The following ITIH5 variants were observed in gnomAD, a reference collection of about 807,000 sequenced individuals.
ITIH5 encodes inter-alpha-trypsin inhibitor heavy chain H5.
ITIH5 carries 65 observed loss-of-function variants against 77.5 expected under a neutral mutation model. The ratio of observed to expected loss-of-function variants is 0.84; its 90% CI spans 0.69 to 1.03. The LOEUF (loss-of-function observed/expected upper bound fraction) is 1.03, where lower values mean the gene tolerates loss of function less well. Ranked by LOEUF, ITIH5 falls within the 50% of genes least tolerant of loss-of-function variation. The pLI, the probability that ITIH5 is intolerant of heterozygous loss-of-function variation, is 0.00. For missense variants in ITIH5, 1,208 were observed against 1,213.1 expected, an observed-to-expected ratio of 1.00 and a Z score of 0.06; for synonymous variants, 525 against 494.3, an observed-to-expected ratio of 1.06 and a Z score of -0.82.
At chr10:7,617,442 T>A (rs1273722350) in intron 5 of ITIH5, 160 bp from the exon 6 acceptor site, 7 of 471,940 alleles carry the variant, frequency 1.5e-5, no homozygotes, top group Non-Finnish European at 1.1e-5. Context: ...AATGCGAGAG[T>A]TATGTCATCA....
chr10:7,566,680 C>T (rs996164505), intron 12 of ITIH5, among the ~76,000 whole-genome samples: 4 of 143,384 alleles, frequency 2.8e-5, no homozygotes, highest in African/African-American at 1.1e-4. Context: ...TGTGATTGCA[C>T]CACTGCAGTC....
At chr10:7,643,481 G>T (rs1833920927) in intron 2 of ITIH5, among the ~76,000 whole-genome samples, 1 of 152,188 alleles carries the variant, frequency 6.6e-6, no homozygotes, top group African/African-American at 2.4e-5. Flanking sequence ...TTACTTCAAA[G>T]TCTGAACTGG....
intron 4 of ITIH5, 136 bp downstream of exon 4, chr10:7,640,618 G>A: frequency 1.6e-6 from 1 of 618,562 alleles, no homozygotes. Flanking sequence ...TTCACTAGAT[G>A]TATTTATATT....
At chr10:7,573,503 CA>C (rs57321816) in intron 10 of ITIH5, among the ~76,000 whole-genome samples, 15 of 143,294 alleles carry the variant, frequency 1.0e-4, no homozygotes, top group South Asian at 2.2e-4. Flanking sequence ...CCTGTCTCTA[CA>C]AAAAAAAAAT....
intron 5 of ITIH5, among the ~76,000 whole-genome samples, chr10:7,635,727 C>T (rs115317311): frequency 0.011 from 1,748 of 152,256 alleles, 34 homozygotes; most frequent in African/African-American, 0.041. Context: ...ATTTTCCGCA[C>T]TGTTTGCCCC....
intron 1 of ITIH5, among the ~76,000 whole-genome samples, chr10:7,665,559 G>A (rs1051064720): frequency 3.3e-5 from 5 of 152,208 alleles, no homozygotes; most frequent in Admixed American, 6.5e-5. Flanking sequence ...AGTGGTCCCA[G>A]ACATCCTGGT....
At chr10:7,593,859 A>C (rs1394375649) in intron 7 of ITIH5, among the ~76,000 whole-genome samples, 4 of 151,980 alleles carry the variant, frequency 2.6e-5, no homozygotes, top group Non-Finnish European at 4.4e-5. Context: ...TGGCCCCACC[A>C]ATCCTTGCAG....
intron 5 of ITIH5, among the ~76,000 whole-genome samples, chr10:7,629,319 GCCCA>G (rs1833667468): frequency 3.9e-5 from 3 of 76,626 alleles, no homozygotes; most frequent in Admixed American, 1.2e-4. Context: ...TGTAGCGTGT[GCCCA>G]TGTTGTAGCG....
At chr10:7,651,368 G>A (rs1396328011) in intron 2 of ITIH5, among the ~76,000 whole-genome samples, 1 of 152,194 alleles carries the variant, frequency 6.6e-6, no homozygotes, top group Non-Finnish European at 1.5e-5. Flanking sequence ...CGGATCACCT[G>A]AGGTCAGGAG....
At chr10:7,574,794 G>GAAAAAA (rs59563530) in intron 10 of ITIH5, among the ~76,000 whole-genome samples, 1 of 85,654 alleles carries the variant, frequency 1.2e-5, no homozygotes. Context: ...CTCCATCTCG[G>GAAAAAA]AAAAAAAAAA....
intron 7 of ITIH5, among the ~76,000 whole-genome samples, chr10:7,612,654 CTG>C (rs1043444863): frequency 7.0e-6 from 1 of 143,106 alleles, no homozygotes; most frequent in Admixed American, 7.0e-5. Flanking sequence ...CACAAAAAAG[CTG>C]TGTTTTTTTT....
rs571353166 is a variant in ITIH5 at position 7,566,417 on chromosome 10, C to T, written c.2150-10G>A. 3.2e-6 allele frequency: 5 copies of T among 1,582,738 alleles called. No homozygotes were observed. Among genetic ancestry groups the T allele is most frequent in the East Asian group, 2.3e-5 (1 of 44,278 alleles). ...CCGTTCACTGTGACACCTCAAAGGC[C>T]AAGGGGAAAAGAAGAAGGTTAGAAA... On this transcript the variant is annotated splice_polypyrimidine_tract_variant and intron_variant, in intron 12 of 13. Transcript: ENST00000397146.
chr10:7,655,795 C>T, intron 1 of ITIH5, 120 bp from the exon 2 acceptor site: 1 of 772,694 alleles, frequency 1.3e-6, no homozygotes, highest in Non-Finnish European at 2.2e-6. Context: ...TCAGATTCAC[C>T]AAAAGCTGTA....
rs1227467730 is a variant in ITIH5, at chr10:7,560,689, A to G, written c.*2394T>C. On this transcript the variant is annotated 3_prime_UTR_variant, in exon 14 of 14. Coordinates refer to ENST00000397146, the MANE Select transcript of ITIH5 (RefSeq NM_030569.7). ...TGATCATGACACATTAACTATTGTG[A>G]TAACAAGGAGATTTATCTCCTCTAA... 6.6e-6 allele frequency: 1 copy of G among 152,244 alleles called. No homozygotes were observed. Among genetic ancestry groups the G allele is most frequent in the African/African-American group, 2.4e-5 (1 of 41,454 alleles). 9.4% of individuals were successfully genotyped at this position (152,244 alleles called of 1,614,324 possible).
intron 1 of ITIH5, among the ~76,000 whole-genome samples, chr10:7,662,752 A>C (rs1270857496): frequency 6.6e-6 from 1 of 152,204 alleles, no homozygotes; most frequent in Admixed American, 6.5e-5. Flanking sequence ...TTTCTCCCAC[A>C]GCATACTCCT....
Position 7,637,239 on chromosome 10 carries a change from C to G in ITIH5, c.641G>C (p.Gly214Ala), listed in dbSNP as rs374950629. Residue 214 changes from glycine (G) to alanine (A), a missense_variant, in exon 5 of 14, where the codon GGG (glycine) becomes GCG (alanine). Physicochemically the swap from Gly to Ala is moderately conservative, Grantham distance 60 (BLOSUM62 0). Coordinates refer to ENST00000397146, the MANE Select transcript of ITIH5 (RefSeq NM_030569.7). ...CACGCAGGACTCACCTTCCCCGCGC[C>G]CACTGCCCCTCTGCCTGCTGTTGTG... The part of the protein sequence containing the change: ...PLHNSRQRGS[G>A]RGEDDSGPPP... The G allele has an allele frequency of 6.2e-7, 1 of 1,608,350 alleles. No homozygotes were observed. The highest frequency in any genetic ancestry group is 1.3e-5 in the African/African-American group (1 of 74,900).
At chr10:7,582,032 T>A (rs112671920) in intron 8 of ITIH5, among the ~76,000 whole-genome samples, 43 of 151,804 alleles carry the variant, frequency 2.8e-4, no homozygotes, top group South Asian at 2.7e-3. Context: ...CACGCCACCA[T>A]GCCTGGCTAA....
In ITIH5 at chr10:7,559,714, C is replaced by G; in HGVS notation, c.*3369G>C. On this transcript the variant is annotated 3_prime_UTR_variant, in exon 14 of 14. Transcript: ENST00000397146. The stretch of plus-strand genomic sequence containing the variant: ...CATTTATTTCTCACAGTTCTGGAGG[C>G]TGGGAGGTCCAAGATCAAGGTGCCA... 1 of 427,420 alleles carries G rather than the reference C, an allele frequency of 2.3e-6. No individual in the cohort carries two copies. The allele number at this position is 427,420 out of a possible 1,614,324, so 26.5% of individuals were successfully genotyped here.
At chr10:7,662,754 C>T (rs1588435351) in intron 1 of ITIH5, among the ~76,000 whole-genome samples, 1 of 152,324 alleles carries the variant, frequency 6.6e-6, no homozygotes, top group East Asian at 1.9e-4. Context: ...TCTCCCACAG[C>T]ATACTCCTTC....
Sources: allele counts gnomAD v4.1 joint callset (sites outside exome capture counted in the v4.1 genomes callset), GRCh38; gene constraint gnomAD v4.1.1; transcripts MANE v1.5; gene names NCBI Gene and HGNC (gene_info 2026-07-23, HGNC 2026-07-21).